Variants in TANC2 observed in about 807,000 individuals in gnomAD.
TANC2 encodes the protein tetratricopeptide repeat, ankyrin repeat and coiled-coil containing 2, also known as protein TANC2.
Under a neutral mutation model 210.5 loss-of-function variants are expected in TANC2, and 26 were observed. The ratio of observed to expected loss-of-function variants is 0.12; its 90% CI spans 0.09 to 0.17. The LOEUF is 0.17. TANC2 is among the 10% of genes least tolerant of loss of function. The pLI, the probability that TANC2 is intolerant of heterozygous loss-of-function variation, is 1.00. For synonymous variants in TANC2, 931 were observed against 967.1 expected (o/e 0.96, Z 0.69); for missense variants, 2,129 against 2,608.9 (o/e 0.82, Z 4.01).
chr17:63,399,974 G>C (rs1294755136), intron 19 of TANC2, among the ~76,000 whole-genome samples: 1 of 152,236 alleles, frequency 6.6e-6, no homozygotes, highest in Non-Finnish European at 1.5e-5. Context: ...ACAGATTAAA[G>C]GAAAGTGTAC....
intron 1 of TANC2, among the ~76,000 whole-genome samples, chr17:62,980,088 G>A (rs2032223764): frequency 6.6e-6 from 1 of 152,016 alleles, no homozygotes; most frequent in Non-Finnish European, 1.5e-5. Context: ...AGAGTTTATT[G>A]TCAGTCACCT....
chr17:63,108,134 G>A (rs1256674113), intron 4 of TANC2, among the ~76,000 whole-genome samples: 1 of 151,664 alleles, frequency 6.6e-6, no homozygotes, highest in Non-Finnish European at 1.5e-5. Context: ...CACAAGCTTA[G>A]CGTTCCAATA....
chr17:63,334,359 A>C (rs1004301430), intron 11 of TANC2, among the ~76,000 whole-genome samples: 1 of 152,242 alleles, frequency 6.6e-6, no homozygotes, highest in African/African-American at 2.4e-5. Flanking sequence ...CCTGAAGGAA[A>C]TCCTAGTGAC....
At chr17:63,024,133 T>C (rs1323008497) in intron 2 of TANC2, among the ~76,000 whole-genome samples, 1 of 152,134 alleles carries the variant, frequency 6.6e-6, no homozygotes, top group Non-Finnish European at 1.5e-5. Flanking sequence ...CAGAAAGGGG[T>C]CCCGATCCAG....
chr17:63,356,881 T>C (rs1204102468), intron 14 of TANC2, among the ~76,000 whole-genome samples: 2 of 152,118 alleles, frequency 1.3e-5, no homozygotes, highest in African/African-American at 4.8e-5. Context: ...AAGAAACACT[T>C]GGGGTATGTT....
rs1322480121 is a variant in TANC2, at chr17:63,149,672, A to G, written c.323-1598A>G. ...ATAAATAAACTGTTTCATTATTTTT[A>G]AATCTGTTGGTGAAATTATAATGAA... On this transcript the variant is annotated intron_variant, in intron 4 of 27. Coordinates refer to ENST00000689528, the Ensembl canonical transcript of TANC2. 6.7e-5 allele frequency: 10 copies of G among 149,170 alleles called. No individual in the cohort carries two copies. In the Admixed American group the frequency reaches 6.7e-4, roughly 10 times the overall value. The allele number at this position is 149,170 out of a possible 1,614,324, so 9.2% of individuals were successfully genotyped here. A position where few individuals can be genotyped will look rare whatever the true frequency, so the allele number is the denominator to read the frequency against.
intron 1 of TANC2, among the ~76,000 whole-genome samples, chr17:62,980,733 A>T (rs1324202426): frequency 6.6e-6 from 1 of 152,104 alleles, no homozygotes; most frequent in Non-Finnish European, 1.5e-5. Context: ...TGATTTCTTT[A>T]TCAGTTTCTG....
intron 14 of TANC2, among the ~76,000 whole-genome samples, chr17:63,378,895 C>T (rs28656895): frequency 0.24 from 36,686 of 151,948 alleles, 4,524 homozygotes; most frequent in South Asian, 0.31. Context: ...CAGTTTGGGT[C>T]GTGTTGAGTG....
intron 2 of TANC2, among the ~76,000 whole-genome samples, chr17:63,011,560 G>T (rs1028384667): frequency 2.2e-4 from 34 of 152,202 alleles, no homozygotes; most frequent in African/African-American, 7.9e-4. Context: ...TCTCCTGCTA[G>T]TTCCTGAGGA....
chr17:63,189,739 A>G (rs1364192540), intron 5 of TANC2, among the ~76,000 whole-genome samples: 11 of 152,190 alleles, frequency 7.2e-5, no homozygotes, highest in Admixed American at 7.2e-4. Flanking sequence ...CCTTTGAAGC[A>G]TGACACTTCT....
intron 5 of TANC2, chr17:63,182,649 C>T (rs1459572668): frequency 6.1e-6 from 1 of 164,972 alleles, no homozygotes. Flanking sequence ...TCTTTTGATA[C>T]ACAATTTGCT....
chr17:63,354,101 G>A (rs976511620), intron 13 of TANC2, among the ~76,000 whole-genome samples: 2 of 152,084 alleles, frequency 1.3e-5, no homozygotes, highest in Admixed American at 6.6e-5. Context: ...GAGAGGGAAT[G>A]GGTACTCACA....
intron 11 of TANC2, among the ~76,000 whole-genome samples, chr17:63,321,234 T>TA (rs2045483629): frequency 6.6e-6 from 1 of 152,112 alleles, no homozygotes; most frequent in African/African-American, 2.4e-5. Flanking sequence ...ACTGGTATGA[T>TA]ACTCTCATTT....
intron 2 of TANC2, among the ~76,000 whole-genome samples, chr17:63,015,030 T>G (rs2034040975): frequency 6.6e-6 from 1 of 152,058 alleles, no homozygotes; most frequent in Admixed American, 6.5e-5. Context: ...TTATTACAGT[T>G]TTTTTCCTTA....
intron 1 of TANC2, among the ~76,000 whole-genome samples, chr17:62,978,074 TTTA>T (rs1175686386): frequency 6.6e-6 from 1 of 152,168 alleles, no homozygotes; most frequent in Non-Finnish European, 1.5e-5. Flanking sequence ...TGTACCATAA[TTTA>T]TTATGTTATT....
intron 11 of TANC2, among the ~76,000 whole-genome samples, chr17:63,334,818 A>G (rs2045972202): frequency 6.6e-6 from 1 of 152,244 alleles, no homozygotes; most frequent in African/African-American, 2.4e-5. Flanking sequence ...TCTAAAGAAA[A>G]GAGGTTTGAT....
At chr17:63,141,379 TAAAAAAAAAAAAAAAAAAAAAAA>T (rs71155970) in intron 4 of TANC2, among the ~76,000 whole-genome samples, 9 of 21,840 alleles carry the variant, frequency 4.1e-4, no homozygotes, top group South Asian at 3.0e-3. Flanking sequence ...CCGTTTCTAC[TAAAAAAAAAAAAAAAAAAAAAAA>T]AAAAAAAAAA....
At chr17:63,137,658 G>A (rs566779818) in intron 4 of TANC2, among the ~76,000 whole-genome samples, 11 of 152,216 alleles carry the variant, frequency 7.2e-5, no homozygotes, top group South Asian at 6.2e-4. Context: ...ACTCTTATTT[G>A]TAATGTCTGT....
At chr17:63,313,319 A>G (rs1354494436) in intron 9 of TANC2, 1 of 152,210 alleles carries the variant, frequency 6.6e-6, no homozygotes, top group African/African-American at 2.4e-5. Context: ...ACCTGGTTTC[A>G]GACAGATAAA....
Sources: gnomAD v4.1 joint callset for allele counts (sites outside exome capture counted in the v4.1 genomes callset) on GRCh38, gnomAD v4.1.1 for gene constraint, MANE v1.5 for transcripts, NCBI Gene and HGNC (gene_info 2026-07-23, HGNC 2026-07-21) for gene names.